The following KL variants were observed in gnomAD, a reference collection of about 807,000 sequenced individuals.
KL encodes the protein klotho, also known as alpha-klotho.
A neutral mutation model predicts 84.2 loss-of-function variants in KL; 62 were observed. The observed-to-expected ratio is 0.74, with a 90% CI of 0.60 to 0.91. The LOEUF (loss-of-function observed/expected upper bound fraction) is 0.91, where lower values mean the gene tolerates loss of function less well. Ranked by LOEUF, KL falls within the 40% of genes least tolerant of loss-of-function variation. The pLI, the probability that KL is intolerant of heterozygous loss-of-function variation, is 0.00. For synonymous variants in KL, 528 were observed against 528.0 expected (o/e 1.00, Z 0.00); for missense variants, 1,261 against 1,305.7 (o/e 0.97, Z 0.53).
rs1871513996 is a variant in KL at position 33,045,954 on chromosome 13, T to G, written c.820-7813T>G. ...TTGATGTAATGCATTACAACGATTT[T>G]TTTTAATGTTTACCCATCTTTGCAT... On this transcript the variant is annotated intron_variant, in intron 1 of 4. Transcript: ENST00000380099. Among the ~76,000 whole-genome samples the G allele has an allele frequency of 2.6e-5, 4 of 152,360 alleles. No individual in the cohort carries two copies. In the South Asian group the frequency reaches 8.3e-4, roughly 32 times the overall value.
At chr13:33,029,404 T>C (rs1383248980) in intron 1 of KL, among the ~76,000 whole-genome samples, 1 of 152,186 alleles carries the variant, frequency 6.6e-6, no homozygotes, top group Non-Finnish European at 1.5e-5. Context: ...AAGCAACGAG[T>C]AAGTTTTTGT....
At chr13:33,045,354 C>G (rs1455025495) in intron 1 of KL, among the ~76,000 whole-genome samples, 1 of 152,208 alleles carries the variant, frequency 6.6e-6, no homozygotes, top group East Asian at 1.9e-4. Flanking sequence ...ATTGCTCTGG[C>G]AAGAACTTCT....
intron 3 of KL, among the ~76,000 whole-genome samples, chr13:33,059,279 A>C (rs189619765): frequency 1.3e-3 from 204 of 152,282 alleles, no homozygotes; most frequent in South Asian, 2.5e-3. Flanking sequence ...TAATTTGCAC[A>C]CTTTTCCTAA....
intron 1 of KL, among the ~76,000 whole-genome samples, chr13:33,046,386 G>A (rs765979748): frequency 1.3e-5 from 2 of 152,028 alleles, no homozygotes; most frequent in Admixed American, 6.5e-5. Flanking sequence ...CGGGAATTTG[G>A]CCAGGTCATC....
intron 1 of KL, among the ~76,000 whole-genome samples, chr13:33,043,344 C>T (rs1871405759): frequency 6.6e-6 from 1 of 151,824 alleles, no homozygotes; most frequent in African/African-American, 2.4e-5. Flanking sequence ...CTCAGCATCC[C>T]AAGCAGCTGG....
intron 2 of KL, among the ~76,000 whole-genome samples, chr13:33,054,731 G>A (rs1484732960): frequency 1.3e-5 from 2 of 152,196 alleles, no homozygotes; most frequent in Non-Finnish European, 2.9e-5. Flanking sequence ...CAGACACAAA[G>A]CTGGGTGTCT....
chr13:33,025,464 C>T (rs1870735198), intron 1 of KL, among the ~76,000 whole-genome samples: 1 of 152,152 alleles, frequency 6.6e-6, no homozygotes, highest in African/African-American at 2.4e-5. Context: ...GCTTGCTGGG[C>T]ACACAAAGTG....
chr13:33,044,901 A>G (rs1402956437), intron 1 of KL, among the ~76,000 whole-genome samples: 4 of 152,038 alleles, frequency 2.6e-5, no homozygotes, highest in African/African-American at 7.2e-5. Flanking sequence ...CTGTTTTTTT[A>G]AAAATCTTAG....
rs544370014 is a variant in KL at position 33,063,969 on chromosome 13, T to C, written c.2822T>C (p.Met941Thr). 2 of 1,614,184 alleles carry C rather than the reference T, an allele frequency of 1.2e-6. No homozygotes were observed. Among genetic ancestry groups the C allele is most frequent in the South Asian group, 1.1e-5 (1 of 91,080 alleles). The change falls in exon 5 of 5, where the codon ATG becomes ACG. Residue 941 changes from methionine (M) to threonine (T), a missense_variant. Coordinates refer to ENST00000380099, the MANE Select transcript of KL (RefSeq NM_004795.4). Reference sequence around the variant, plus strand: ...GATCAGTTTGAGCCCAAGGCATCCATGAAACATTACAGGAAAATTATTGAC... The same window carrying C: ...GATCAGTTTGAGCCCAAGGCATCCACGAAACATTACAGGAAAATTATTGAC... ...AADQFEPKASMKHYRKIIDSN... is the reference protein window; with the variant it reads ...AADQFEPKASTKHYRKIIDSN...
Position 33,061,726 on chromosome 13 carries a change from G to C in KL, c.2647G>C (p.Asp883His), listed in dbSNP as rs1872214452. 1.2e-6 allele frequency: 2 copies of C among 1,613,934 alleles called. No homozygotes were observed. The highest frequency in any genetic ancestry group is 1.7e-6 in the Non-Finnish European group (2 of 1,179,948). ...NGIDDGLHAE[D>H]DQLRVYYMQN... ...AATCGATGACGGGCTGCATGCTGAG[G>C]ACGACCAGCTGAGGGTGTATTATAT... The change falls in exon 4 of 5, where the codon GAC becomes CAC. Residue 883 changes from aspartate (D) to histidine (H), a missense_variant. By Grantham distance (81) the Asp-to-His change is moderately conservative. Transcript: ENST00000380099.
Position 33,016,736 on chromosome 13 carries a change from C to T in KL, c.296C>T (p.Ala99Val), listed in dbSNP as rs755615496. ...IWDTFTHHPL[A>V]PPGDSRNASL... ...GATACGTTCACCCACCACCCCCTGG[C>T]ACCCCCGGGAGACTCCCGGAACGCC... The change falls in exon 1 of 5, where the codon GCA becomes GTA. Residue 99 changes from alanine (A) to valine (V), a missense_variant. Coordinates refer to ENST00000380099, the MANE Select transcript of KL (RefSeq NM_004795.4). 3 of 1,611,444 alleles carry T rather than the reference C, an allele frequency of 1.9e-6. No individual in the cohort carries two copies. Among genetic ancestry groups the T allele is most frequent in the South Asian group, 1.1e-5 (1 of 90,844 alleles).
At chr13:33,046,572 G>A (rs1871536831) in intron 1 of KL, among the ~76,000 whole-genome samples, 1 of 151,644 alleles carries the variant, frequency 6.6e-6, no homozygotes, top group South Asian at 2.1e-4. Flanking sequence ...CTGTTTTGTT[G>A]ATTTTTTTCA....
intron 3 of KL, among the ~76,000 whole-genome samples, chr13:33,058,442 G>A (rs758671980): frequency 6.6e-6 from 1 of 151,430 alleles, no homozygotes; most frequent in East Asian, 2.0e-4. Flanking sequence ...CTAAGGTCAC[G>A]CCATTCTCCT....
intron 4 of KL, among the ~76,000 whole-genome samples, chr13:33,062,731 T>C (rs886175212): frequency 6.7e-6 from 1 of 149,348 alleles, no homozygotes; most frequent in Non-Finnish European, 1.5e-5. Context: ...GATTGAATTA[T>C]GTAAAACACC....
intron 1 of KL, among the ~76,000 whole-genome samples, chr13:33,034,890 A>C (rs1259376310): frequency 2.6e-5 from 4 of 152,222 alleles, no homozygotes; most frequent in African/African-American, 9.7e-5. Context: ...TGTTGAATAT[A>C]CACCATTGAA....
At chr13:33,019,331 A>G (rs1198327844) in intron 1 of KL, among the ~76,000 whole-genome samples, 1 of 151,980 alleles carries the variant, frequency 6.6e-6, no homozygotes, top group Non-Finnish European at 1.5e-5. Context: ...AGAATAGAAA[A>G]ATTTGAGCTT....
At chr13:33,027,134 C>T (rs1870806984) in intron 1 of KL, among the ~76,000 whole-genome samples, 1 of 152,146 alleles carries the variant, frequency 6.6e-6, no homozygotes, top group Non-Finnish European at 1.5e-5. Context: ...TCAAGGACCC[C>T]AGCGCTACTC....
rs576712257 is a variant in KL at position 33,041,378 on chromosome 13, T to G, written c.820-12389T>G. ...AGCTATTAGGTTGGTGCCAAAGTAA[T>G]TGCAGTTTTTGCCATTACTTTTTAA... On this transcript the variant is annotated intron_variant, in intron 1 of 4. Transcript: ENST00000380099. 1.9e-3 allele frequency among the ~76,000 whole-genome samples: 273 copies of G among 142,980 alleles called. 1 individual carries two copies. The highest frequency in any genetic ancestry group is 3.7e-3 in the Non-Finnish European group (238 of 65,184). The allele number at this position is 142,980 out of a possible 152,430, so 93.8% of individuals were successfully genotyped here. A position where few individuals can be genotyped will look rare whatever the true frequency, so the allele number is the denominator to read the frequency against.
At chr13:33,055,455 AC>A (rs939260443) in intron 3 of KL, 140 bp downstream of exon 3, 6 of 983,290 alleles carry the variant, frequency 6.1e-6, no homozygotes, top group Non-Finnish European at 9.5e-6. Flanking sequence ...CACTAAGGGC[AC>A]AATTTGGAAT....
Sources: gnomAD v4.1 joint callset for allele counts (sites outside exome capture counted in the v4.1 genomes callset) on GRCh38, gnomAD v4.1.1 for gene constraint, MANE v1.5 for transcripts, NCBI Gene and HGNC (gene_info 2026-07-23, HGNC 2026-07-21) for gene names.